Variants in IQCH observed in about 807,000 individuals in gnomAD.
IQCH encodes IQ domain-containing protein H.
A neutral mutation model predicts 117.0 loss-of-function variants in IQCH; 98 were observed. The ratio of observed to expected loss-of-function variants is 0.84; its 90% CI spans 0.71 to 0.99. The LOEUF (loss-of-function observed/expected upper bound fraction) is 0.99, where lower values mean the gene tolerates loss of function less well. Among genes scored for constraint, IQCH ranks in the 50% least tolerant of loss-of-function variants. The pLI, the probability that IQCH is intolerant of heterozygous loss-of-function variation, is 0.00. For synonymous variants in IQCH, 412 were observed against 448.2 expected, an observed-to-expected ratio of 0.92 and a Z score of 1.02; for missense variants, 1,102 against 1,243.8, an observed-to-expected ratio of 0.89 and a Z score of 1.72.
intron 4 of IQCH, among the ~76,000 whole-genome samples, chr15:67,324,760 A>C (rs889869163): frequency 1.3e-5 from 2 of 151,996 alleles, no homozygotes; most frequent in African/African-American, 4.8e-5. Context: ...GTTTCTGATG[A>C]GAAGTCAACC....
At chr15:67,483,525 TTAAA>T (rs1481632020) in intron 18 of IQCH, among the ~76,000 whole-genome samples, 1 of 151,932 alleles carries the variant, frequency 6.6e-6, no homozygotes, top group East Asian at 1.9e-4. Context: ...TCTAAAAAAA[TTAAA>T]GAAAGAAAGA....
rs1456938673 is a variant in IQCH, at chr15:67,406,916, ATTG to A, written c.2097+6617_2097+6619del. The A allele has an allele frequency of 5.9e-5, 9 of 152,224 alleles. No individual in the cohort carries two copies. The highest frequency in any genetic ancestry group is 1.7e-4 in the African/African-American group (7 of 41,462). The allele number at this position is 152,224 out of a possible 1,614,324, so 9.4% of individuals were successfully genotyped here. On this transcript the variant is annotated intron_variant, in intron 14 of 20. Transcript: ENST00000335894. This position sits in a 1 kb window ranked among gnomAD's most constrained non-coding sequence, Gnocchi z 4.5. ...ACTTTAAGAAATGCTACCTATTATT[ATTG>A]TTGTTATTATTACCATAAAATTGTA...
intron 15 of IQCH, among the ~76,000 whole-genome samples, chr15:67,419,859 T>C (rs367749296): frequency 6.6e-4 from 101 of 152,350 alleles, no homozygotes; most frequent in African/African-American, 2.3e-3. Context: ...GCTGAGAAGA[T>C]AGTGCAAGTA....
intron 16 of IQCH, among the ~76,000 whole-genome samples, chr15:67,442,865 T>TATATAAA (rs1567193284): frequency 2.3e-5 from 3 of 127,966 alleles, no homozygotes; most frequent in African/African-American, 8.7e-5. Context: ...GATAGATAGA[T>TATATAAA]ATACATATAT....
chr15:67,497,049 G>C (rs1200420366), intron 20 of IQCH, among the ~76,000 whole-genome samples: 1 of 131,568 alleles, frequency 7.6e-6, no homozygotes, highest in African/African-American at 2.8e-5. Flanking sequence ...AAAAAAAAAA[G>C]TAAAAGTATC....
intron 4 of IQCH, among the ~76,000 whole-genome samples, chr15:67,279,994 C>T (rs1190098358): frequency 6.0e-5 from 9 of 150,626 alleles, no homozygotes; most frequent in South Asian, 2.1e-4. Flanking sequence ...CCAGCCAGGG[C>T]GACAGAGCGA....
intron 4 of IQCH, among the ~76,000 whole-genome samples, chr15:67,303,229 A>C (rs1967139582): frequency 1.3e-5 from 2 of 152,174 alleles, no homozygotes; most frequent in Non-Finnish European, 2.9e-5. Context: ...AATGTCCAGA[A>C]TAGATACATC....
rs563084567 is a variant in IQCH at position 67,465,086 on chromosome 15, G to A, written c.2506-41G>A. 1.5e-4 allele frequency: 237 copies of A among 1,601,828 alleles called. 2 individuals carry two copies. The South Asian group carries it at 2.5e-3, about 17-fold the overall frequency. On this transcript the variant is annotated intron_variant, in intron 16 of 20. Transcript: ENST00000335894. The surrounding 1 kb of genome is among the most constrained non-coding windows in gnomAD (Gnocchi z 5.9). ...AGAGGTGGGGCCTTCGCTGCTGTTT[G>A]CTGATTTCACCCTCACTTCTACGGC...
rs753821092 is a variant in IQCH at position 67,497,024 on chromosome 15, C to CAAAAAA, written c.2970+2677_2970+2682dup. Among the ~76,000 whole-genome samples the CAAAAAA allele has an allele frequency of 4.2e-3, 149 of 35,142 alleles. 1 individual carries two copies. The highest frequency in any genetic ancestry group is 5.9e-3 in the Non-Finnish European group (94 of 15,870). 23.1% of individuals were successfully genotyped at this position (35,142 alleles called of 152,430 possible). On this transcript the variant is annotated intron_variant, in intron 20 of 20. Coordinates refer to ENST00000335894, the MANE Select transcript of IQCH (RefSeq NM_001031715.3). Reference sequence around the variant, plus strand: ...TGGGCGACAGAGCGAGACTCCGTCTCAAAAAAAAAAAAAAAAAAAAAAAAG... The same window carrying CAAAAAA: ...TGGGCGACAGAGCGAGACTCCGTCTCAAAAAAAAAAAAAAAAAAAAAAAAAAAAAAG...
In IQCH at chr15:67,425,757, C is replaced by T. The variant is rs954099946; in HGVS notation, c.2505+4180C>T. On this transcript the variant is annotated intron_variant, in intron 16 of 20. Transcript: ENST00000335894. This position sits in a 1 kb window ranked among gnomAD's most constrained non-coding sequence, Gnocchi z 5.5. ...TTGGCAACTTTTTCCACTACCACTACGATAGTGGTAATTTTGTATTTCTGT... is the reference window on the plus strand; with the variant it reads ...TTGGCAACTTTTTCCACTACCACTATGATAGTGGTAATTTTGTATTTCTGT... Among the ~76,000 whole-genome samples, 6 of 152,110 alleles carry T rather than the reference C, an allele frequency of 3.9e-5. No homozygotes were observed. The South Asian group carries it at 8.3e-4, about 21-fold the overall frequency.
intron 16 of IQCH, among the ~76,000 whole-genome samples, chr15:67,423,869 A>G (rs1207094389): frequency 2.0e-5 from 3 of 150,652 alleles, no homozygotes; most frequent in Non-Finnish European, 4.4e-5. Context: ...AAAAAAAAAG[A>G]AAAGAAAAAA....
Position 67,372,443 on chromosome 15 carries a change from G to T in IQCH, c.1086G>T (p.Arg362Ser), listed in dbSNP as rs1479760472. 1 of 1,613,972 alleles carries T rather than the reference G, an allele frequency of 6.2e-7. No homozygotes were observed. Among genetic ancestry groups the T allele is most frequent in the Non-Finnish European group, 8.5e-7 (1 of 1,179,972 alleles). The change falls in exon 9 of 21, where the codon AGG becomes AGT. Residue 362 changes from arginine to serine, a missense_variant. Arg to Ser is a moderately radical substitution (Grantham distance 110). Transcript: ENST00000335894. Reference sequence around the variant, plus strand: ...TGCTGATAAATCTTCCAGGGCAAAGGTACAAGGGCCAAGATGGAAATTCGG... The same window carrying T: ...TGCTGATAAATCTTCCAGGGCAAAGTTACAAGGGCCAAGATGGAAATTCGG... ...VQMLINLPGQ[R>S]YKGQDGNSEA...
intron 4 of IQCH, among the ~76,000 whole-genome samples, chr15:67,332,716 A>G (rs8033643): frequency 1 from 151,642 of 152,300 alleles, 75,500 homozygotes; most frequent in Non-Finnish European, 1. Flanking sequence ...GGAGATCAGG[A>G]CATCAAGAGA....
intron 2 of IQCH, among the ~76,000 whole-genome samples, chr15:67,261,795 A>G (rs1176252607): frequency 6.6e-6 from 1 of 152,212 alleles, no homozygotes; most frequent in African/African-American, 2.4e-5. Context: ...ATTCTAAAAG[A>G]GAAGAGTTGG....
chr15:67,384,691 T>C lies in IQCH; in HGVS notation c.1373-245T>C, dbSNP rs1332158177. On this transcript the variant is annotated intron_variant, in intron 10 of 20. Transcript: ENST00000335894. This position sits in a 1 kb window ranked among gnomAD's most constrained non-coding sequence, Gnocchi z 4.3. Reference sequence around the variant, plus strand: ...TTTGTCATCTTGATTCTTAGCAGCCTTGTTGGTACTGAAAAATGTGAACCC... The same window carrying C: ...TTTGTCATCTTGATTCTTAGCAGCCCTGTTGGTACTGAAAAATGTGAACCC... Among the ~76,000 whole-genome samples, 1 of 152,088 alleles carries C rather than the reference T, an allele frequency of 6.6e-6. No individual in the cohort carries two copies. The highest frequency in any genetic ancestry group is 1.5e-5 in the Non-Finnish European group (1 of 67,992).
rs1970475580 is a variant in IQCH, at chr15:67,370,146, G to T, written c.754-1965G>T. Among the ~76,000 whole-genome samples the T allele has an allele frequency of 6.6e-6, 1 of 152,156 alleles. No individual in the cohort carries two copies. Among genetic ancestry groups the T allele is most frequent in the African/African-American group, 2.4e-5 (1 of 41,430 alleles). ...CCCACCCCATGGAAAGGCACTGTCTGAGAGAGACGTGAGTTCTCTCCTTTC... is the reference window on the plus strand; with the variant it reads ...CCCACCCCATGGAAAGGCACTGTCTTAGAGAGACGTGAGTTCTCTCCTTTC... On this transcript the variant is annotated intron_variant, in intron 8 of 20. Coordinates refer to ENST00000335894, the MANE Select transcript of IQCH (RefSeq NM_001031715.3). The surrounding 1 kb of genome is among the most constrained non-coding windows in gnomAD (Gnocchi z 5.6).
chr15:67,330,228 G>A (rs1321741471), intron 4 of IQCH, among the ~76,000 whole-genome samples: 4 of 152,158 alleles, frequency 2.6e-5, no homozygotes, highest in Non-Finnish European at 5.9e-5. Flanking sequence ...TGCCATACCT[G>A]CCATTCTTTG....
At chr15:67,398,339 A>G (rs534874430) in intron 13 of IQCH, among the ~76,000 whole-genome samples, 4 of 152,172 alleles carry the variant, frequency 2.6e-5, no homozygotes, top group Non-Finnish European at 5.9e-5. Context: ...TATATTCTCA[A>G]CACATTAGAG....
Position 67,489,200 on chromosome 15 carries a change from A to G in IQCH, c.2800-803A>G, listed in dbSNP as rs189919475. Reference sequence around the variant, plus strand: ...AGGCGCCCGCCACCACACCCGGCTAATTTTTTGTATTTTTAGTAGAGATGG... The same window carrying G: ...AGGCGCCCGCCACCACACCCGGCTAGTTTTTTGTATTTTTAGTAGAGATGG... On this transcript the variant is annotated intron_variant, in intron 18 of 20. Transcript: ENST00000335894. Among the ~76,000 whole-genome samples the G allele has an allele frequency of 8.5e-3, 1,265 of 148,786 alleles. 15 individuals carry two copies. Among genetic ancestry groups the G allele is most frequent in the African/African-American group, 0.03 (1,210 of 40,152 alleles).
Sources: allele counts gnomAD v4.1 joint callset (sites outside exome capture counted in the v4.1 genomes callset), GRCh38; gene constraint gnomAD v4.1.1; non-coding constraint Gnocchi (gnomAD v3.1); transcripts MANE v1.5; gene names NCBI Gene and HGNC (gene_info 2026-07-23, HGNC 2026-07-21).